Variants in MID1 observed in about 807,000 individuals in gnomAD.
MID1 encodes midline 1.
MID1 carries 7 observed loss-of-function variants against 40.4 expected under a neutral mutation model. The observed-to-expected ratio is 0.17, with a 90% CI of 0.10 to 0.33. The LOEUF (loss-of-function observed/expected upper bound fraction) is 0.33. Among genes scored for constraint, MID1 ranks in the 10% least tolerant of loss-of-function variants. The pLI is 1.00. For missense variants in MID1, 367 were observed against 558.5 expected, an observed-to-expected ratio of 0.66 and a Z score of 3.46; for synonymous variants, 229 against 221.2, an observed-to-expected ratio of 1.04 and a Z score of -0.31.
chrX:10,584,587 G>A (rs1935094934), intron 1 of MID1, among the ~76,000 whole-genome samples: 1 of 112,542 alleles, frequency 8.9e-6, no homozygotes, highest in East Asian at 2.8e-4. Context: ...CACCAAAGAT[G>A]AGTTAAGACT....
At chrX:10,763,017 G>A (rs1355096563) in intron 1 of MID1, among the ~76,000 whole-genome samples, 1 of 110,999 alleles carries the variant, frequency 9.0e-6, no homozygotes, top group Non-Finnish European at 1.9e-5. Flanking sequence ...TTCTGAAAAC[G>A]GTCAGATAGT....
chrX:10,658,262 C>T (rs1200694680), intron 1 of MID1, among the ~76,000 whole-genome samples: 1 of 108,200 alleles, frequency 9.2e-6, no homozygotes, highest in Non-Finnish European at 1.9e-5. Context: ...GTTCTGAGAT[C>T]CCTCAAGCAT....
At chrX:10,641,904 A>T (rs1206501370) in intron 1 of MID1, among the ~76,000 whole-genome samples, 2 of 112,133 alleles carry the variant, frequency 1.8e-5, no homozygotes, top group Non-Finnish European at 3.8e-5. Flanking sequence ...AAACAGAACC[A>T]AAGACAAAAA....
chrX:10,778,369 G>A (rs1396538217), intron 1 of MID1, among the ~76,000 whole-genome samples: 1 of 110,731 alleles, frequency 9.0e-6, no homozygotes, highest in Non-Finnish European at 1.9e-5. Flanking sequence ...GTGCATGACC[G>A]TATATATGAG....
chrX:10,804,847 T>A (rs1001417351), intron 1 of MID1, among the ~76,000 whole-genome samples: 1 of 111,622 alleles, frequency 9.0e-6, no homozygotes, highest in Non-Finnish European at 1.9e-5. Context: ...TTACTGATTC[T>A]TTCTTTTGTA....
chrX:10,659,760 T>C (rs1322197855), intron 1 of MID1, among the ~76,000 whole-genome samples: 2 of 110,299 alleles, frequency 1.8e-5, no homozygotes, highest in African/African-American at 6.6e-5. Context: ...TAGAGGGAGG[T>C]ATTGGAGTTT....
chrX:10,591,483 T>C (rs922712591), intron 1 of MID1, among the ~76,000 whole-genome samples: 6 of 112,227 alleles, frequency 5.3e-5, no homozygotes, highest in Admixed American at 2.8e-4. Context: ...ACTTTAGTCA[T>C]TTTCATCCTT....
intron 1 of MID1, among the ~76,000 whole-genome samples, chrX:10,711,766 G>A (rs979540488): frequency 1.8e-5 from 2 of 112,599 alleles, no homozygotes; most frequent in African/African-American, 6.5e-5. Context: ...ATGTTCTTAC[G>A]AATGTATCTT....
At chrX:10,786,528 T>C (rs887880914) in intron 1 of MID1, among the ~76,000 whole-genome samples, 2 of 111,234 alleles carry the variant, frequency 1.8e-5, no homozygotes, top group East Asian at 2.8e-4. Context: ...TGTATGTTTA[T>C]TGTGGCACTA....
intron 1 of MID1, among the ~76,000 whole-genome samples, chrX:10,590,403 T>A (rs1935265574): frequency 9.0e-6 from 1 of 111,557 alleles, no homozygotes; most frequent in African/African-American, 3.3e-5. Flanking sequence ...GCTTGGGAAG[T>A]CTGGGTGGTG....
At chrX:10,631,174 C>T (rs1198425583) in intron 1 of MID1, among the ~76,000 whole-genome samples, 1 of 112,174 alleles carries the variant, frequency 8.9e-6, no homozygotes, top group Admixed American at 9.4e-5. Flanking sequence ...CTGGAAACAG[C>T]CTTAGTCCAA....
chrX:10,698,413 G>A (rs963039247), intron 1 of MID1, among the ~76,000 whole-genome samples: 2 of 112,261 alleles, frequency 1.8e-5, no homozygotes, highest in Admixed American at 9.5e-5. Context: ...CTTATGCACA[G>A]CTAATATCTT....
chrX:10,642,210 A>C (rs758517474), intron 1 of MID1, among the ~76,000 whole-genome samples: 1 of 112,007 alleles, frequency 8.9e-6, no homozygotes, highest in East Asian at 2.8e-4. Context: ...TCAATTAGGA[A>C]AAGAGGAAGT....
At chrX:10,508,682 G>C (rs977073362) in intron 3 of MID1, among the ~76,000 whole-genome samples, 1 of 111,733 alleles carries the variant, frequency 8.9e-6, no homozygotes, top group Admixed American at 9.5e-5. Flanking sequence ...CCAGGGAAGA[G>C]AGGCAAAAGA....
chrX:10,698,570 G>C (rs1299975289), intron 1 of MID1, among the ~76,000 whole-genome samples: 1 of 110,199 alleles, frequency 9.1e-6, no homozygotes, highest in East Asian at 2.8e-4. Context: ...TTTATAGCCA[G>C]GGAATCAATA....
chrX:10,552,089 A>G (rs1031491353), intron 2 of MID1, among the ~76,000 whole-genome samples: 2 of 110,521 alleles, frequency 1.8e-5, no homozygotes, highest in African/African-American at 6.6e-5. Flanking sequence ...TGTACATGGT[A>G]TTACTTTATC....
At chrX:10,782,770 T>C (rs113033232) in intron 1 of MID1, among the ~76,000 whole-genome samples, 4,879 of 112,040 alleles carry the variant, frequency 0.044, 234 homozygotes, top group African/African-American at 0.15. Flanking sequence ...TGCTGAAAAA[T>C]ATATGTATCA....
At chrX:10,471,627 T>C (rs996959561) in intron 6 of MID1, among the ~76,000 whole-genome samples, 1 of 112,210 alleles carries the variant, frequency 8.9e-6, no homozygotes, top group Non-Finnish European at 1.9e-5. Context: ...AATCAGGATA[T>C]GCATTCCACG....
At chrX:10,746,641 C>A (rs2043559072) in intron 1 of MID1, among the ~76,000 whole-genome samples, 1 of 110,988 alleles carries the variant, frequency 9.0e-6, no homozygotes, top group African/African-American at 3.3e-5. Flanking sequence ...CCAAATTCTT[C>A]TTTTCTGTAT....
Sources: allele counts gnomAD v4.1 joint callset (sites outside exome capture counted in the v4.1 genomes callset), GRCh38; gene constraint gnomAD v4.1.1; transcripts MANE v1.5; gene names NCBI Gene and HGNC (gene_info 2026-07-23, HGNC 2026-07-21).